The following STK3 variants were observed in gnomAD, a reference collection of about 807,000 sequenced individuals.
STK3 encodes serine/threonine kinase 3, also known as serine/threonine-protein kinase 3.
In STK3, 41 loss-of-function variants were observed where a neutral mutation model predicts 58.0. The observed-to-expected ratio is 0.71, with a 90% CI of 0.55 to 0.92. The LOEUF (loss-of-function observed/expected upper bound fraction) is 0.92, where lower values mean the gene tolerates loss of function less well. Ranked by LOEUF, STK3 falls within the 40% of genes least tolerant of loss-of-function variation. The probability of loss-of-function intolerance (pLI) is 0.00; values close to 1 mark genes in which losing one functional copy is unlikely to be tolerated. For missense variants in STK3, 479 were observed against 602.7 expected, an observed-to-expected ratio of 0.79 and a Z score of 2.15; for synonymous variants, 170 against 191.0, an observed-to-expected ratio of 0.89 and a Z score of 0.91.
At chr8:98,585,683 G>C (rs1814481978) in intron 7 of STK3, among the ~76,000 whole-genome samples, 2 of 151,638 alleles carry the variant, frequency 1.3e-5, no homozygotes, top group Non-Finnish European at 2.9e-5. Context: ...AAATTACCTT[G>C]GGCAGTATGG....
At chr8:98,590,075 G>A (rs1815151396) in intron 7 of STK3, among the ~76,000 whole-genome samples, 1 of 152,236 alleles carries the variant, frequency 6.6e-6, no homozygotes, top group African/African-American at 2.4e-5. Flanking sequence ...CGCTCATGCT[G>A]GGAGCTGTAG....
chr8:98,460,585 T>A (rs1819874464), intron 10 of STK3, among the ~76,000 whole-genome samples: 1 of 152,220 alleles, frequency 6.6e-6, no homozygotes, highest in African/African-American at 2.4e-5. Context: ...CACTCAAATC[T>A]CATCTTGAAG....
intron 10 of STK3, chr8:98,526,368 T>A (rs1825741767): frequency 1.3e-5 from 2 of 153,904 alleles, no homozygotes; most frequent in African/African-American, 4.8e-5. Context: ...AAACTCTATG[T>A]CATAAATACC....
chr8:98,426,430 C>A (rs1586556437), intron 3 of STK3, among the ~76,000 whole-genome samples: 2 of 152,202 alleles, frequency 1.3e-5, no homozygotes, highest in African/African-American at 4.8e-5. Context: ...CACACCACAC[C>A]GGCCTGGACA....
At chr8:98,471,620 T>C (rs114907157) in intron 10 of STK3, among the ~76,000 whole-genome samples, 87 of 152,300 alleles carry the variant, frequency 5.7e-4, no homozygotes, top group African/African-American at 1.9e-3. Context: ...AGAGTGGCTA[T>C]ACGACTACTC....
chr8:98,469,077 T>C (rs1281489081), intron 10 of STK3, among the ~76,000 whole-genome samples: 1 of 151,526 alleles, frequency 6.6e-6, no homozygotes, highest in Admixed American at 6.6e-5. Context: ...CCACTGCACT[T>C]CAGCCTGGTG....
chr8:98,871,001 T>C (rs1260103923), intron 3 of STK3, among the ~76,000 whole-genome samples: 4 of 152,226 alleles, frequency 2.6e-5, no homozygotes, highest in Non-Finnish European at 4.4e-5. Flanking sequence ...CTTTAATCCA[T>C]CTTGAATTAA....
intron 6 of STK3, among the ~76,000 whole-genome samples, chr8:98,644,026 TAAC>T (rs1220881513): frequency 6.6e-6 from 1 of 151,970 alleles, no homozygotes; most frequent in South Asian, 2.1e-4. Context: ...ACAATAATAA[TAAC>T]AACCACAATA....
intron 6 of STK3, among the ~76,000 whole-genome samples, chr8:98,704,104 C>A (rs1825802031): frequency 6.6e-6 from 1 of 152,134 alleles, no homozygotes; most frequent in Admixed American, 6.5e-5. Flanking sequence ...AACTACAAGG[C>A]TCTTTTCAAA....
At chr8:98,524,147 C>A (rs180744918) in intron 10 of STK3, among the ~76,000 whole-genome samples, 1 of 152,130 alleles carries the variant, frequency 6.6e-6, no homozygotes, top group East Asian at 1.9e-4. Context: ...GCATCCTTGC[C>A]GAAAATCATT....
At chr8:98,399,207 T>C (rs186497296), downstream of STK3, among the ~76,000 whole-genome samples, 159 of 152,328 alleles carry the variant, frequency 1.0e-3, 3 homozygotes, top group African/African-American at 3.6e-3. Flanking sequence ...CAAAACTTGA[T>C]TGAATCATGC....
chr8:98,592,618 A>T (rs1240497599), intron 7 of STK3, among the ~76,000 whole-genome samples: 1 of 151,530 alleles, frequency 6.6e-6, no homozygotes, highest in Non-Finnish European at 1.5e-5. Context: ...ATTGCTCTAC[A>T]CTCCTCTAGG....
chr8:98,743,199 A>G (rs1829360510), intron 4 of STK3, among the ~76,000 whole-genome samples: 2 of 151,868 alleles, frequency 1.3e-5, no homozygotes, highest in Non-Finnish European at 2.9e-5. Context: ...CAAGCTACCA[A>G]TGACTTTCTT....
intron 6 of STK3, among the ~76,000 whole-genome samples, chr8:98,670,110 G>A (rs1822711862): frequency 6.6e-6 from 1 of 152,324 alleles, no homozygotes; most frequent in South Asian, 2.1e-4. Flanking sequence ...GCTCATGCCT[G>A]TAAATCCCAG....
At chr8:98,440,315 A>G (rs1294170634) in intron 1 of STK3, among the ~76,000 whole-genome samples, 1 of 152,152 alleles carries the variant, frequency 6.6e-6, no homozygotes, top group Admixed American at 6.5e-5. Context: ...AATTTCTCCC[A>G]TTTCCATTTT....
chr8:98,401,165 C>A (rs1028974951), downstream of STK3, among the ~76,000 whole-genome samples: 3 of 152,114 alleles, frequency 2.0e-5, no homozygotes, highest in Non-Finnish European at 2.9e-5. Flanking sequence ...CGGCTGCCAG[C>A]ACCATGCAGA....
In STK3 at chr8:98,428,206, A is replaced by G; in HGVS notation, n.483+5921T>C. ...GAGTTCTACTTCGACCGCAACCCTG[A>G]GCTCTTCCCCTACGTGCTGCATTTC... On this transcript the variant is annotated intron_variant and non_coding_transcript_variant, in intron 3 of 3. Coordinates refer to the STK3 transcript ENST00000517832. The surrounding 1 kb of genome is among the most constrained non-coding windows in gnomAD (Gnocchi z 6.7). 9 of 1,613,802 alleles carry G rather than the reference A, an allele frequency of 5.6e-6. No individual in the cohort carries two copies. The highest frequency in any genetic ancestry group is 7.6e-6 in the Non-Finnish European group (9 of 1,179,940).
intron 10 of STK3, among the ~76,000 whole-genome samples, chr8:98,472,017 C>T (rs551260506): frequency 1.9e-4 from 29 of 152,222 alleles, no homozygotes; most frequent in African/African-American, 5.8e-4. Context: ...AGCTAACATG[C>T]GCTTACCACT....
At chr8:98,431,598 G>T (rs116255272) in intron 3 of STK3, 2 of 167,058 alleles carry the variant, frequency 1.2e-5, no homozygotes, top group South Asian at 2.1e-4. Flanking sequence ...GGTATCCATG[G>T]CCGCTGACCA....
Sources: gnomAD v4.1 joint callset for allele counts (sites outside exome capture counted in the v4.1 genomes callset) on GRCh38, gnomAD v4.1.1 for gene constraint, Gnocchi (gnomAD v3.1) non-coding constraint, MANE v1.5 for transcripts, NCBI Gene and HGNC (gene_info 2026-07-23, HGNC 2026-07-21) for gene names.